CATSPERB: variants seen among roughly 807,000 people sequenced by gnomAD.
CATSPERB encodes the protein cation channel sperm-associated auxiliary subunit beta.
Under a neutral mutation model 128.3 loss-of-function variants are expected in CATSPERB, and 93 were observed. The ratio of observed to expected loss-of-function variants is 0.72; its 90% CI spans 0.61 to 0.86. The LOEUF is 0.86. Ranked by LOEUF, CATSPERB falls within the 40% of genes least tolerant of loss-of-function variation. The pLI, the probability that CATSPERB is intolerant of heterozygous loss-of-function variation, is 0.00. For missense variants in CATSPERB, 1,153 were observed against 1,329.5 expected (o/e 0.87, Z 2.06); for synonymous variants, 381 against 448.8 (o/e 0.85, Z 1.91).
rs139686935 is a variant in CATSPERB at position 91,693,152 on chromosome 14, G to A, written c.805C>T (p.Arg269Cys). ...GATAAGCTGTGGCGTGATGGATAAC[G>A]AAGATCTTCACTTACAAAAAGGCCC... is the stretch of plus-strand genomic sequence containing the variant. ...SLGLFVSEDL[R>C]YPSRHSLSFS... Residue 269 changes from arginine (R) to cysteine (C), a missense_variant, in exon 9 of 27, where the codon CGT becomes TGT. Transcript: ENST00000256343. 34 of 1,612,818 alleles carry A rather than the reference G, an allele frequency of 2.1e-5. No individual in the cohort carries two copies. Among genetic ancestry groups the A allele is most frequent in the Middle Eastern group, 1.7e-4 (1 of 5,954 alleles).
At chr14:91,649,066 G>C (rs1894658571) in intron 15 of CATSPERB, among the ~76,000 whole-genome samples, 1 of 150,514 alleles carries the variant, frequency 6.6e-6, no homozygotes, top group African/African-American at 2.5e-5. Context: ...AGTGTCTTCT[G>C]ACAAGTGTGT....
At chr14:91,617,517 G>A (rs1893963790) in intron 20 of CATSPERB, 80 bp downstream of exon 20, 1 of 1,009,012 alleles carries the variant, frequency 9.9e-7, no homozygotes, top group Admixed American at 2.8e-5. Flanking sequence ...TTAAAATGAT[G>A]CTCATTAAAT....
intron 20 of CATSPERB, among the ~76,000 whole-genome samples, chr14:91,614,835 G>C (rs1893905349): frequency 6.6e-6 from 1 of 151,884 alleles, no homozygotes; most frequent in Admixed American, 6.6e-5. Flanking sequence ...ATAGAATTAA[G>C]CATATTTTTT....
Position 91,622,038 on chromosome 14 carries a change from A to G in CATSPERB, c.1931-101T>C, listed in dbSNP as rs985032536. 4.1e-5 allele frequency: 30 copies of G among 729,866 alleles called. 1 individual carries two copies. The highest frequency in any genetic ancestry group is 6.3e-5 in the Non-Finnish European group (29 of 460,588). The allele number at this position is 729,866 out of a possible 1,614,324, so 45.2% of individuals were successfully genotyped here. A position where few individuals can be genotyped will look rare whatever the true frequency, so the allele number is the denominator to read the frequency against. On this transcript the variant is annotated intron_variant, in intron 18 of 26. Transcript: ENST00000256343. ...AACAAATACACTGTTTGAGTTTTTA[A>G]ACTATCTCTTAACCAGAGAACACAG...
intron 18 of CATSPERB, among the ~76,000 whole-genome samples, chr14:91,622,143 T>C (rs1894060539): frequency 6.6e-6 from 1 of 152,216 alleles, no homozygotes; most frequent in Admixed American, 6.5e-5. Flanking sequence ...CTTTAATGTT[T>C]ACTGTGAAAC....
At chr14:91,697,659 T>C (rs1027862150) in intron 7 of CATSPERB, among the ~76,000 whole-genome samples, 9 of 152,216 alleles carry the variant, frequency 5.9e-5, no homozygotes, top group Non-Finnish European at 1.5e-5. Context: ...TGCTTATTTT[T>C]GTTAACTTTG....
chr14:91,700,849 C>G (rs1176248892), intron 7 of CATSPERB, among the ~76,000 whole-genome samples: 1 of 152,080 alleles, frequency 6.6e-6, no homozygotes, highest in South Asian at 2.1e-4. Flanking sequence ...GGTTGAAAAA[C>G]TAACTATTGG....
intron 10 of CATSPERB, 56 bp from the exon 11 acceptor site, chr14:91,683,999 GA>G: frequency 2.4e-6 from 3 of 1,268,850 alleles, no homozygotes; most frequent in Non-Finnish European, 3.3e-6. Context: ...GATATCTTAA[GA>G]TATAAGATAG....
intron 20 of CATSPERB, among the ~76,000 whole-genome samples, chr14:91,615,319 G>T (rs1360220056): frequency 6.6e-6 from 1 of 152,178 alleles, no homozygotes; most frequent in African/African-American, 2.4e-5. Context: ...AGAATCTAAT[G>T]CCTGATGATC....
At chr14:91,653,995 T>C (rs1743111) in intron 15 of CATSPERB, among the ~76,000 whole-genome samples, 119,286 of 152,064 alleles carry the variant, frequency 0.78, 47,010 homozygotes, top group East Asian at 0.92. Flanking sequence ...ATAGAAGATC[T>C]GACCAGTGCT....
intron 17 of CATSPERB, among the ~76,000 whole-genome samples, chr14:91,627,118 T>G (rs1894178868): frequency 6.6e-6 from 1 of 152,242 alleles, no homozygotes; most frequent in African/African-American, 2.4e-5. Context: ...AGTAAAGATT[T>G]TTAAATGACA....
Position 91,603,198 on chromosome 14 carries a change from G to A in CATSPERB, c.2709+5096C>T, listed in dbSNP as rs575191028. ...CTTTCAATATCTTGTCTTTCTTCAT[G>A]AGGGTGTTTCAATAAAATAGGGCAT... On this transcript the variant is annotated intron_variant, in intron 22 of 26. Transcript: ENST00000256343. The A allele has an allele frequency of 2.6e-5, 21 of 806,002 alleles. No homozygotes were observed. The African/African-American group carries it at 3.4e-4, about 13-fold the overall frequency. The allele number at this position is 806,002 out of a possible 1,614,324, so 49.9% of individuals were successfully genotyped here. A position where few individuals can be genotyped will look rare whatever the true frequency, so the allele number is the denominator to read the frequency against.
chr14:91,727,975 A>G (rs553184963), intron 2 of CATSPERB, among the ~76,000 whole-genome samples: 1 of 152,182 alleles, frequency 6.6e-6, no homozygotes, highest in South Asian at 2.1e-4. Flanking sequence ...CCCGCTAGAC[A>G]CTCTTTCAAT....
intron 10 of CATSPERB, 102 bp from the exon 11 acceptor site, chr14:91,684,045 G>A: frequency 1.0e-5 from 7 of 703,094 alleles, no homozygotes; most frequent in Middle Eastern, 4.0e-4. Flanking sequence ...TGATAGTTCA[G>A]GAATGTGAGG....
intron 13 of CATSPERB, among the ~76,000 whole-genome samples, chr14:91,671,911 C>T (rs113079757): frequency 0.043 from 6,473 of 151,346 alleles, 331 homozygotes; most frequent in African/African-American, 0.12. Context: ...CCCAGCTACT[C>T]GGAGAGGCTG....
chr14:91,639,578 TA>T (rs1433865288), intron 15 of CATSPERB, among the ~76,000 whole-genome samples: 3 of 151,960 alleles, frequency 2.0e-5, no homozygotes, highest in Non-Finnish European at 4.4e-5. Context: ...CCTGAAGAGG[TA>T]AAAGTCAGCA....
intron 22 of CATSPERB, among the ~76,000 whole-genome samples, chr14:91,595,618 C>A (rs1893493784): frequency 6.6e-6 from 1 of 152,162 alleles, no homozygotes; most frequent in Non-Finnish European, 1.5e-5. Flanking sequence ...AAGCACAGGT[C>A]AGAAACCCTG....
chr14:91,636,846 T>G (rs1306961968), intron 16 of CATSPERB, among the ~76,000 whole-genome samples: 2 of 152,112 alleles, frequency 1.3e-5, no homozygotes. Context: ...AGTGAAAGGG[T>G]ACATGGAAAC....
intron 20 of CATSPERB, among the ~76,000 whole-genome samples, chr14:91,616,733 CTTTTTTTTTTT>C (rs1555360386): frequency 4.1e-3 from 349 of 84,516 alleles, no homozygotes; most frequent in Admixed American, 0.011. Context: ...AAGTATTCCC[CTTTTTTTTTTT>C]TTTTTTTTTT....
Sources: gnomAD v4.1 joint callset for allele counts (sites outside exome capture counted in the v4.1 genomes callset) on GRCh38, gnomAD v4.1.1 for gene constraint, MANE v1.5 for transcripts, NCBI Gene and HGNC (gene_info 2026-07-23, HGNC 2026-07-21) for gene names.